Variants in F13B observed in about 807,000 individuals in gnomAD.
The protein encoded by F13B is coagulation factor XIII B chain, also known as TGase.
A neutral mutation model predicts 79.8 loss-of-function variants in F13B; 58 were observed. The observed-to-expected ratio is 0.73, with a 90% CI of 0.59 to 0.90. The LOEUF (loss-of-function observed/expected upper bound fraction) is 0.90. Ranked by LOEUF, F13B falls within the 40% of genes least tolerant of loss-of-function variation. The pLI is 0.00. For missense variants in F13B, 773 were observed against 777.0 expected (o/e 0.99, Z 0.06); for synonymous variants, 283 against 260.3 (o/e 1.09, Z -0.84).
chr1:197,061,287 T>A (rs1180771559), intron 3 of F13B, among the ~76,000 whole-genome samples: 1 of 152,122 alleles, frequency 6.6e-6, no homozygotes, highest in African/African-American at 2.4e-5. Context: ...AAAATTCTAG[T>A]CTACAAGTGC....
At chr1:197,051,598 T>A (rs547279360) in intron 9 of F13B, among the ~76,000 whole-genome samples, 2 of 152,094 alleles carry the variant, frequency 1.3e-5, no homozygotes, top group Non-Finnish European at 2.9e-5. Context: ...ACCTCTTGAT[T>A]TTTTCCCTTC....
chr1:197,048,096 T>C (rs1655300390), intron 10 of F13B, among the ~76,000 whole-genome samples: 1 of 151,830 alleles, frequency 6.6e-6, no homozygotes, highest in South Asian at 2.1e-4. Context: ...GTAACAAACC[T>C]GCACATTGTG....
chr1:197,066,178 G>A (rs1269475114), intron 1 of F13B, among the ~76,000 whole-genome samples: 1 of 151,908 alleles, frequency 6.6e-6, no homozygotes, highest in Admixed American at 6.6e-5. Flanking sequence ...AGAATTAAAA[G>A]TATAAAATAA....
chr1:197,040,238 A>G (rs567077766), intron 11 of F13B: 32 of 352,464 alleles, frequency 9.1e-5, no homozygotes, highest in African/African-American at 6.1e-4. Flanking sequence ...TAATTTTTGC[A>G]CATTGAAATA....
At chr1:197,057,265 C>T in intron 6 of F13B, 21 bp downstream of exon 6, 1 of 1,613,866 alleles carries the variant, frequency 6.2e-7, no homozygotes. Context: ...TTTAGCAAAG[C>T]TTCTTCAAGG....
rs1257378019 is a variant in F13B at position 197,046,488 on chromosome 1, A to G, written c.1738+4209T>C. On this transcript the variant is annotated intron_variant, in intron 10 of 11. Transcript: ENST00000367412. The stretch of plus-strand genomic sequence containing the variant: ...TGAAGGACCTCTTCAAGAACTACTA[A>G]CCACTGCCCAACGAAATAAAAGATG... Among the ~76,000 whole-genome samples, 3 of 152,128 alleles carry G rather than the reference A, an allele frequency of 2.0e-5. No homozygotes were observed. The East Asian group carries it at 5.8e-4, about 29-fold the overall frequency.
In F13B at chr1:197,061,077, TA is replaced by T; in HGVS notation, c.452-3del. ...ATAATTCAGGAGCCAAACATGTTTC[TA>T]AAATTATAAAAATTATTTATTTTAT... On this transcript the variant is annotated splice_region_variant and splice_polypyrimidine_tract_variant and intron_variant, in intron 3 of 11. Transcript: ENST00000367412. The T allele has an allele frequency of 7.5e-7, 1 of 1,336,574 alleles. No individual in the cohort carries two copies. The highest frequency in any genetic ancestry group is 2.5e-5 in the East Asian group (1 of 39,952). The allele number at this position is 1,336,574 out of a possible 1,614,324, so 82.8% of individuals were successfully genotyped here. A position where few individuals can be genotyped will look rare whatever the true frequency, so the allele number is the denominator to read the frequency against.
intron 10 of F13B, among the ~76,000 whole-genome samples, chr1:197,045,773 C>T (rs1055850127): frequency 1.3e-5 from 2 of 152,208 alleles, no homozygotes; most frequent in African/African-American, 2.4e-5. Flanking sequence ...CAATAAAATA[C>T]TGGCAAACCA....
chr1:197,056,549 G>C (rs1479743633), intron 7 of F13B, among the ~76,000 whole-genome samples: 3 of 152,014 alleles, frequency 2.0e-5, no homozygotes, highest in Non-Finnish European at 4.4e-5. Flanking sequence ...GTTCAGAATG[G>C]CCAGATGCAA....
chr1:197,042,406 CA>C (rs1655066901), intron 10 of F13B, among the ~76,000 whole-genome samples: 1 of 152,080 alleles, frequency 6.6e-6, no homozygotes, highest in Non-Finnish European at 1.5e-5. Context: ...ATCAAACCAG[CA>C]CTTCTATTAA....
chr1:197,059,851 A>G (rs1179743791), intron 5 of F13B, among the ~76,000 whole-genome samples: 1 of 152,240 alleles, frequency 6.6e-6, no homozygotes, highest in Non-Finnish European at 1.5e-5. Context: ...GGACACTTCC[A>G]GTAATAGAAA....
At position 197,050,705 on chromosome 1, in the gene F13B, A is replaced by C. The variant is rs764924610; in HGVS notation, c.1730T>G (p.Leu577Trp). 9.3e-6 allele frequency: 15 copies of C among 1,612,958 alleles called. No homozygotes were observed. Among genetic ancestry groups the C allele is most frequent in the Middle Eastern group, 1.6e-4 (1 of 6,076 alleles). ...TATTTAGTAGTACATACCTAAACAC[A>C]ATGGTGGTGTAGTCCACATTCCATC... Reference protein sequence around the residue: ...CLDGMWTTPPLCLEPCTLSFT... With the variant: ...CLDGMWTTPPWCLEPCTLSFT... Residue 577 changes from leucine (L) to tryptophan (W), a missense_variant, in exon 10 of 12, where the codon TTG becomes TGG. Physicochemically the swap from Leu to Trp is moderately conservative, Grantham distance 61. Coordinates refer to ENST00000367412, the MANE Select transcript of F13B (RefSeq NM_001994.3).
intron 9 of F13B, among the ~76,000 whole-genome samples, chr1:197,052,094 T>C (rs1314126167): frequency 6.6e-6 from 1 of 152,178 alleles, no homozygotes; most frequent in Admixed American, 6.6e-5. Context: ...ATTAAGTATT[T>C]GCCCATGCCT....
At chr1:197,053,612 G>A (rs1558307863) in intron 8 of F13B, among the ~76,000 whole-genome samples, 1 of 151,970 alleles carries the variant, frequency 6.6e-6, no homozygotes, top group Non-Finnish European at 1.5e-5. Flanking sequence ...GTCTTTATTA[G>A]CAGCATGAGA....
chr1:197,063,200 T>A (rs1655930909), intron 1 of F13B, 143 bp from the exon 2 acceptor site: 1 of 689,744 alleles, frequency 1.4e-6, no homozygotes, highest in Non-Finnish European at 2.5e-6. Context: ...TAAGGTACTT[T>A]TGTGACAACT....
intron 1 of F13B, among the ~76,000 whole-genome samples, chr1:197,066,130 A>T (rs1000570217): frequency 5.3e-5 from 8 of 152,188 alleles, no homozygotes; most frequent in Non-Finnish European, 1.2e-4. Context: ...ACAGAAAAAT[A>T]AAATCAAAAG....
At chr1:197,055,102 A>G (rs1175000769) in intron 8 of F13B, among the ~76,000 whole-genome samples, 2 of 152,024 alleles carry the variant, frequency 1.3e-5, no homozygotes, top group Non-Finnish European at 2.9e-5. Flanking sequence ...TTTGAGTGAA[A>G]AAATCTAAGA....
At chr1:197,040,888 T>C (rs922634963) in intron 10 of F13B, among the ~76,000 whole-genome samples, 153 bp from the exon 11 acceptor site, 5 of 151,984 alleles carry the variant, frequency 3.3e-5, no homozygotes, top group African/African-American at 1.2e-4. Context: ...AATTAATATT[T>C]GAGTCAGAAA....
At chr1:197,044,689 A>C (rs1380292904) in intron 10 of F13B, among the ~76,000 whole-genome samples, 1 of 152,186 alleles carries the variant, frequency 6.6e-6, no homozygotes, top group Non-Finnish European at 1.5e-5. Flanking sequence ...CTCCACTCCA[A>C]ATCAAAAGAA....
Sources: allele counts gnomAD v4.1 joint callset (sites outside exome capture counted in the v4.1 genomes callset), GRCh38; gene constraint gnomAD v4.1.1; transcripts MANE v1.5; gene names NCBI Gene and HGNC (gene_info 2026-07-23, HGNC 2026-07-21).